Variants in C8B observed in about 807,000 individuals in gnomAD.
The protein encoded by C8B is complement C8 beta chain, also known as complement component C8 beta chain.
In C8B, 67 loss-of-function variants were observed where a neutral mutation model predicts 64.6. That is an observed-to-expected ratio of 1.04 (90% CI 0.85 to 1.27). The LOEUF is 1.27. Ranked by LOEUF, C8B falls within the 50% of genes most tolerant of loss-of-function variation. The pLI is 0.00. For missense variants in C8B, 790 were observed against 725.2 expected (o/e 1.09, Z -1.03); for synonymous variants, 284 against 257.7 (o/e 1.10, Z -0.98).
At chr1:56,943,090 A>G (rs1347277240) in intron 8 of C8B, among the ~76,000 whole-genome samples, 1 of 151,728 alleles carries the variant, frequency 6.6e-6, no homozygotes, top group African/African-American at 2.4e-5. Context: ...ATAAAAATAA[A>G]AAATAAAAAA....
chr1:56,936,521 T>G (rs1053616880), intron 9 of C8B, among the ~76,000 whole-genome samples: 87 of 151,868 alleles, frequency 5.7e-4, no homozygotes, highest in African/African-American at 2.0e-3. Context: ...TAAATTTTTT[T>G]TTTTTTTTTT....
chr1:56,955,641 T>G (rs1003170747), intron 3 of C8B, among the ~76,000 whole-genome samples: 1 of 152,188 alleles, frequency 6.6e-6, no homozygotes, highest in Non-Finnish European at 1.5e-5. Context: ...CTAAAGCCTG[T>G]CCAAATAACC....
At chr1:56,945,305 C>A (rs1330532632) in intron 7 of C8B, among the ~76,000 whole-genome samples, 1 of 152,150 alleles carries the variant, frequency 6.6e-6, no homozygotes, top group African/African-American at 2.4e-5. Context: ...GAAAAAACAG[C>A]AGATTTGAAG....
intron 11 of C8B, among the ~76,000 whole-genome samples, chr1:56,931,286 G>C (rs930457351): frequency 1.1e-4 from 16 of 152,262 alleles, no homozygotes; most frequent in African/African-American, 3.9e-4. Context: ...AGCTGTGCCT[G>C]GCTACTGAGA....
At chr1:56,933,656 T>C (rs368201208) in intron 9 of C8B, among the ~76,000 whole-genome samples, 168 bp from the exon 10 acceptor site, 4 of 152,308 alleles carry the variant, frequency 2.6e-5, no homozygotes, top group East Asian at 3.9e-4. Flanking sequence ...TTACCCGATA[T>C]ACACAAATTA....
chr1:56,935,002 C>T (rs1322665152), intron 9 of C8B, among the ~76,000 whole-genome samples: 1 of 152,160 alleles, frequency 6.6e-6, no homozygotes, highest in African/African-American at 2.4e-5. Context: ...GTCCTGGGAG[C>T]TGTGTGGAGG....
intron 9 of C8B, among the ~76,000 whole-genome samples, chr1:56,934,136 CT>C (rs1403436272): frequency 1.8e-5 from 2 of 110,616 alleles, no homozygotes; most frequent in Non-Finnish European, 4.1e-5. Context: ...ATAGTCAATA[CT>C]GTCTTTTTTT....
chr1:56,952,024 C>G, intron 5 of C8B, 24 bp downstream of exon 5: 2 of 1,613,304 alleles, frequency 1.2e-6, no homozygotes, highest in Non-Finnish European at 1.7e-6. Flanking sequence ...GGGCTCCCTC[C>G]ACTGCTACCT....
chr1:56,933,307 A>T, intron 10 of C8B, 28 bp downstream of exon 10: 2 of 1,604,024 alleles, frequency 1.2e-6, no homozygotes, highest in Non-Finnish European at 1.7e-6. Flanking sequence ...GGCTTCCACC[A>T]GGGACACCAG....
At chr1:56,933,102 C>T (rs998665966) in intron 10 of C8B, among the ~76,000 whole-genome samples, 10 of 152,166 alleles carry the variant, frequency 6.6e-5, no homozygotes, top group Admixed American at 3.9e-4. Flanking sequence ...GAGTTTATTC[C>T]CACTCCTTGC....
chr1:56,935,020 A>G (rs752423327), intron 9 of C8B, among the ~76,000 whole-genome samples: 1 of 152,184 alleles, frequency 6.6e-6, no homozygotes, highest in Non-Finnish European at 1.5e-5. Context: ...AGGTCTACAA[A>G]TATGATCCTA....
chr1:56,965,723 A>T, intron 1 of C8B, 134 bp downstream of exon 1: 1 of 881,304 alleles, frequency 1.1e-6, no homozygotes, highest in Non-Finnish European at 1.9e-6. Context: ...ATAGTATGTT[A>T]TCAGATGCAT....
intron 1 of C8B, among the ~76,000 whole-genome samples, chr1:56,964,891 T>C (rs1285694282): frequency 6.6e-6 from 1 of 152,156 alleles, no homozygotes; most frequent in Non-Finnish European, 1.5e-5. Context: ...ACAAGGAAGG[T>C]CTTGGCAGCT....
intron 1 of C8B, among the ~76,000 whole-genome samples, chr1:56,960,670 G>A (rs1056716570): frequency 6.6e-6 from 1 of 152,222 alleles, no homozygotes; most frequent in Non-Finnish European, 1.5e-5. Context: ...AATGGCCAGG[G>A]CGAGAGGATG....
At chr1:56,945,679 T>C (rs1644929905) in intron 7 of C8B, 142 bp downstream of exon 7, 4 of 1,039,960 alleles carry the variant, frequency 3.8e-6, no homozygotes, top group East Asian at 2.4e-5. Context: ...AGGACTGACA[T>C]TGTCAATCAA....
chr1:56,940,768 A>T, intron 9 of C8B, 81 bp downstream of exon 9: 1 of 1,536,856 alleles, frequency 6.5e-7, no homozygotes, highest in Non-Finnish European at 9.0e-7. Flanking sequence ...TGATCTCTGC[A>T]TTTTATACCT....
intron 6 of C8B, among the ~76,000 whole-genome samples, chr1:56,946,293 A>G (rs1410740968): frequency 6.6e-6 from 1 of 152,114 alleles, no homozygotes. Flanking sequence ...TCCTTACTGT[A>G]GAGAATAAGG....
intron 1 of C8B, chr1:56,964,120 G>T: frequency 2.5e-6 from 1 of 407,224 alleles, no homozygotes; most frequent in Non-Finnish European, 3.3e-6. Context: ...GGATCAGTTT[G>T]TTCTCTTACA....
rs1644731851 is a variant in C8B, at chr1:56,933,480, A to G, written c.1407T>C (p.Pro469=). ...CTGTGGCTGTCACTAGTTCATACAG[A>G]GGCTCCACCTGGAAAGGGAAAAGGG... ...NPAIIKVKVE[P]LYELVTATDF... The change falls in exon 10 of 12, where the codon CCT becomes CCC. Residue 469 remains proline, a synonymous_variant. Coordinates refer to ENST00000371237, the MANE Select transcript of C8B (RefSeq NM_000066.4). The G allele has an allele frequency of 6.2e-7, 1 of 1,613,794 alleles. No individual in the cohort carries two copies. The highest frequency in any genetic ancestry group is 1.3e-5 in the African/African-American group (1 of 75,044).
Sources: gnomAD v4.1 joint callset for allele counts (sites outside exome capture counted in the v4.1 genomes callset) on GRCh38, gnomAD v4.1.1 for gene constraint, MANE v1.5 for transcripts, NCBI Gene and HGNC (gene_info 2026-07-23, HGNC 2026-07-21) for gene names.